The following NEK8 variants were observed in gnomAD, a reference collection of about 807,000 sequenced individuals.
NEK8 encodes NIMA related kinase 8.
In NEK8, 51 loss-of-function variants were observed where a neutral mutation model predicts 77.2. That is an observed-to-expected ratio of 0.66 (90% CI 0.53 to 0.83). The LOEUF (loss-of-function observed/expected upper bound fraction) is 0.83. Ranked by LOEUF, NEK8 falls within the 40% of genes least tolerant of loss-of-function variation. The probability of loss-of-function intolerance (pLI) is 0.00; values close to 1 mark genes in which losing one functional copy is unlikely to be tolerated. For missense variants in NEK8, 787 were observed against 909.2 expected (o/e 0.87, Z 1.73); for synonymous variants, 365 against 363.2 (o/e 1.00, Z -0.06).
Position 28,737,928 on chromosome 17 carries a change from G to C in NEK8, c.999G>C (p.Glu333Asp). The C allele has an allele frequency of 6.2e-7, 1 of 1,613,314 alleles. No homozygotes were observed. The highest frequency in any genetic ancestry group is 8.5e-7 in the Non-Finnish European group (1 of 1,179,582). Reference protein sequence around the residue: ...TPLRLPMLNTEVVQVAAGRTQ... With the variant: ...TPLRLPMLNTDVVQVAAGRTQ... ...TGCGGCTGCCAATGCTCAACACAGAGGTGGTCCAGGTGGCAGCTGGGCGCA... is the reference window on the plus strand; with the variant it reads ...TGCGGCTGCCAATGCTCAACACAGACGTGGTCCAGGTGGCAGCTGGGCGCA... The change falls in exon 7 of 15, where the codon GAG (glutamate) becomes GAC (aspartate). Residue 333 changes from glutamate to aspartate, a missense_variant. By Grantham distance (45) the Glu-to-Asp change is conservative. Coordinates refer to ENST00000268766, the MANE Select transcript of NEK8 (RefSeq NM_178170.3). This position sits in a 1 kb window ranked among gnomAD's most constrained non-coding sequence, Gnocchi z 4.8.
In NEK8 at chr17:28,740,857, G is replaced by C; in HGVS notation, c.1604G>C (p.Gly535Ala). The change falls in exon 12 of 15, where the codon GGG becomes GCG. Residue 535 changes from glycine (G) to alanine (A), a missense_variant. Coordinates refer to ENST00000268766, the MANE Select transcript of NEK8 (RefSeq NM_178170.3). The surrounding 1 kb of genome is among the most constrained non-coding windows in gnomAD (Gnocchi z 4.7). ...CTGGGCCTGGACCACCTCTCCCTGG[G>C]GGAGGAGCCTGTCCCCCACCAGCAA... is the stretch of plus-strand genomic sequence containing the variant. ...NKLGLDHLSLGEEPVPHQQVE... is the reference protein window; with the variant it reads ...NKLGLDHLSLAEEPVPHQQVE... The C allele has an allele frequency of 6.2e-7, 1 of 1,614,092 alleles. No homozygotes were observed.
chr17:28,729,787 C>A (rs2034289348), intron 1 of NEK8, among the ~76,000 whole-genome samples: 1 of 152,120 alleles, frequency 6.6e-6, no homozygotes, highest in South Asian at 2.1e-4. Context: ...CTCAGGTGAT[C>A]CGCCCGCGCC....
In NEK8 at chr17:28,739,114, G is replaced by T. The variant is rs141973397; in HGVS notation, c.1330G>T (p.Glu444Ter). 1 of 1,614,128 alleles carries T rather than the reference G, an allele frequency of 6.2e-7. No homozygotes were observed. Among genetic ancestry groups the T allele is most frequent in the Non-Finnish European group, 8.5e-7 (1 of 1,179,942 alleles). The change falls in exon 10 of 15, where the codon GAA becomes TAA. Residue 444 changes from glutamate to a stop codon, truncating the protein, a stop_gained. Transcript: ENST00000268766. LOFTEE classifies it high-confidence loss of function. Reference sequence around the variant, plus strand: ...CATTGTGGAGGCTTTGCTGGGCTATGAAATGGTGCAGGTGGCCTGTGGGGC... The same window carrying T: ...CATTGTGGAGGCTTTGCTGGGCTATTAAATGGTGCAGGTGGCCTGTGGGGC... ...PTIVEALLGY[E>*]MVQVACGASH...
chr17:28,738,945 G>C, intron 9 of NEK8, 139 bp from the exon 10 acceptor site: 1 of 851,156 alleles, frequency 1.2e-6, no homozygotes, highest in Non-Finnish European at 2.1e-6. Flanking sequence ...TGCCCACCTG[G>C]CAGTGTGTAT....
intron 1 of NEK8, 95 bp downstream of exon 1, chr17:28,728,955 A>G: frequency 2.5e-6 from 3 of 1,182,462 alleles, no homozygotes; most frequent in Non-Finnish European, 3.7e-6. Flanking sequence ...ATCCCGCCCC[A>G]AGGCGTGAGC....
rs149884715 is a variant in NEK8, at chr17:28,742,510, C to T, written c.*523C>T. 755 of 167,804 alleles carry T rather than the reference C, an allele frequency of 4.5e-3. 4 individuals are homozygous for T. The highest frequency in any genetic ancestry group is 6.6e-3 in the Non-Finnish European group (513 of 77,186). 10.4% of individuals were successfully genotyped at this position (167,804 alleles called of 1,614,324 possible). On this transcript the variant is annotated 3_prime_UTR_variant, in exon 15 of 15. Transcript: ENST00000268766. ...TCAGGAGGCTGAGGCAGGAGAATGG[C>T]GTAAACCCCTCCAGCCTGGGCGACA...
chr17:28,734,733 T>A, intron 2 of NEK8, 39 bp from the exon 3 acceptor site: 5 of 1,413,356 alleles, frequency 3.5e-6, no homozygotes, highest in African/African-American at 1.4e-5. Context: ...GTCGTAGGTG[T>A]GAGAAAGCCT....
chr17:28,741,647 G>T lies in NEK8; in HGVS notation c.2050+76G>T. The T allele has an allele frequency of 6.8e-7, 1 of 1,474,540 alleles. No homozygotes were observed. 91.3% of individuals were successfully genotyped at this position (1,474,540 alleles called of 1,614,324 possible). On this transcript the variant is annotated intron_variant, in intron 14 of 14. Coordinates refer to ENST00000268766, the MANE Select transcript of NEK8 (RefSeq NM_178170.3). The surrounding 1 kb of genome is among the most constrained non-coding windows in gnomAD (Gnocchi z 4.5). ...CACACTCCCATCCCCAGTGTTCACA[G>T]ATGGCCACATCACCAAAAGCATCTT...
In NEK8 at chr17:28,737,326, G is replaced by A. The variant is rs372495226; in HGVS notation, c.639G>A (p.Leu213=). The stretch of plus-strand genomic sequence containing the variant: ...CACAGAACTTGCCAGCACTGGTGCT[G>A]AAGATCATGAGTGGCACCTTTGCAC... The part of the protein sequence containing the change: ...FEAANLPALV[L]KIMSGTFAPI... Residue 213 remains leucine, a synonymous_variant, in exon 5 of 15, where the codon CTG becomes CTA. Coordinates refer to ENST00000268766, the MANE Select transcript of NEK8 (RefSeq NM_178170.3). The surrounding 1 kb of genome is among the most constrained non-coding windows in gnomAD (Gnocchi z 4.8). 6.2e-7 allele frequency: 1 copy of A among 1,613,342 alleles called. No homozygotes were observed. The highest frequency in any genetic ancestry group is 2.2e-5 in the East Asian group (1 of 44,872).
Position 28,730,305 on chromosome 17 carries a change from T to G in NEK8, c.47+1445T>G, listed in dbSNP as rs1020943176. Among the ~76,000 whole-genome samples the G allele has an allele frequency of 1.6e-4, 20 of 123,076 alleles. 1 individual carries two copies. The East Asian group carries it at 4.8e-3, about 29-fold the overall frequency. 80.7% of individuals were successfully genotyped at this position (123,076 alleles called of 152,430 possible). On this transcript the variant is annotated intron_variant, in intron 1 of 14. Coordinates refer to ENST00000268766, the MANE Select transcript of NEK8 (RefSeq NM_178170.3). The stretch of plus-strand genomic sequence containing the variant: ...TTTTTTTTTTTTTTTTTTTTTTTTT[T>G]GTGAGACAGAGTCTCCTCTGTTGCC...
intron 1 of NEK8, among the ~76,000 whole-genome samples, chr17:28,731,594 GTCTT>G (rs551747449): frequency 1.7e-4 from 25 of 149,628 alleles, no homozygotes; most frequent in Admixed American, 3.3e-4. Flanking sequence ...TCTATATTTT[GTCTT>G]TCTTTCTTTC....
In NEK8 at chr17:28,738,082, C is replaced by T; in HGVS notation, c.1072-13C>T. On this transcript the variant is annotated splice_polypyrimidine_tract_variant and intron_variant, in intron 7 of 14. Coordinates refer to ENST00000268766, the MANE Select transcript of NEK8 (RefSeq NM_178170.3). Reference sequence around the variant, plus strand: ...GGGGTGCTCAGGCGCTGCCCATCCCCCTGCCCCTGCAGGCCCCACCCCTAG... The same window carrying T: ...GGGGTGCTCAGGCGCTGCCCATCCCTCTGCCCCTGCAGGCCCCACCCCTAG... The T allele has an allele frequency of 6.2e-7, 1 of 1,612,896 alleles. No homozygotes were observed. The highest frequency in any genetic ancestry group is 8.5e-7 in the Non-Finnish European group (1 of 1,179,606).
intron 9 of NEK8, 149 bp downstream of exon 9, chr17:28,738,896 A>G: frequency 1.2e-6 from 1 of 828,180 alleles, no homozygotes; most frequent in Non-Finnish European, 2.1e-6. Context: ...GGCCACCTAC[A>G]TCGGGGAAAG....
Position 28,741,019 on chromosome 17 carries a change from G to A in NEK8, c.1732+34G>A, listed in dbSNP as rs915588835. ...GACTTGGGCTCTGGAGGTCAGAGGG[G>A]GACTCACGGTCTCCTTGGTACCCTG... On this transcript the variant is annotated intron_variant, in intron 12 of 14. Coordinates refer to ENST00000268766, the MANE Select transcript of NEK8 (RefSeq NM_178170.3). The surrounding 1 kb of genome is among the most constrained non-coding windows in gnomAD (Gnocchi z 4.5). 3 of 1,613,994 alleles carry A rather than the reference G, an allele frequency of 1.9e-6. No individual in the cohort carries two copies. The African/African-American group carries it at 4.0e-5, about 22-fold the overall frequency.
At position 28,742,069 on chromosome 17, in the gene NEK8, C is replaced by A; in HGVS notation, c.*82C>A. 2.3e-6 allele frequency: 3 copies of A among 1,315,664 alleles called. No individual in the cohort carries two copies. Among genetic ancestry groups the A allele is most frequent in the South Asian group, 1.2e-5 (1 of 85,218 alleles). The allele number at this position is 1,315,664 out of a possible 1,614,324, so 81.5% of individuals were successfully genotyped here. Reference sequence around the variant, plus strand: ...AAAAGTGCAGGTGCCCAAGGCATGACTTGCAGCTGTCTCCTGGATTGTGTC... The same window carrying A: ...AAAAGTGCAGGTGCCCAAGGCATGAATTGCAGCTGTCTCCTGGATTGTGTC... On this transcript the variant is annotated 3_prime_UTR_variant, in exon 15 of 15. Coordinates refer to ENST00000268766, the MANE Select transcript of NEK8 (RefSeq NM_178170.3).
At chr17:28,735,816 T>C (rs1283339744) in intron 4 of NEK8, among the ~76,000 whole-genome samples, 3 of 152,174 alleles carry the variant, frequency 2.0e-5, no homozygotes, top group Non-Finnish European at 4.4e-5. Context: ...AGGGCACATG[T>C]ACACAACGTG....
chr17:28,734,389 G>T (rs551572136), intron 2 of NEK8: 332 of 617,108 alleles, frequency 5.4e-4, no homozygotes, highest in Non-Finnish European at 3.6e-4. Context: ...GGGGTTGTTG[G>T]CTGGGCACGG....
rs895220213 is a variant in NEK8 at position 28,739,021 on chromosome 17, G to A, written c.1300-63G>A. 5.5e-5 allele frequency: 65 copies of A among 1,182,838 alleles called. No homozygotes were observed. In the Admixed American group the frequency reaches 7.2e-4, roughly 13 times the overall value. 73.3% of individuals were successfully genotyped at this position (1,182,838 alleles called of 1,614,324 possible). The stretch of plus-strand genomic sequence containing the variant: ...GCCTCCAGCTTTGTCCCTACAGGGG[G>A]TGTTGAAGCCAGATGGCTCCAGACC... On this transcript the variant is annotated intron_variant, in intron 9 of 14. Coordinates refer to ENST00000268766, the MANE Select transcript of NEK8 (RefSeq NM_178170.3).
In NEK8 at chr17:28,740,734, T is replaced by C; in HGVS notation, c.1569-88T>C. On this transcript the variant is annotated intron_variant, in intron 11 of 14. Transcript: ENST00000268766. The surrounding 1 kb of genome is among the most constrained non-coding windows in gnomAD (Gnocchi z 4.7). ...TGAGGGGGTTGAGGGTGCTATTGGTTCAACCCAGGGTGGGATCTGTCTCCT... is the reference window on the plus strand; with the variant it reads ...TGAGGGGGTTGAGGGTGCTATTGGTCCAACCCAGGGTGGGATCTGTCTCCT... 3.8e-6 allele frequency: 6 copies of C among 1,588,488 alleles called. No homozygotes were observed.
Sources: gnomAD v4.1 joint callset for allele counts (sites outside exome capture counted in the v4.1 genomes callset) on GRCh38, gnomAD v4.1.1 for gene constraint, Gnocchi (gnomAD v3.1) non-coding constraint, MANE v1.5 for transcripts, NCBI Gene and HGNC (gene_info 2026-07-23, HGNC 2026-07-21) for gene names.